WDR70: variants seen among roughly 807,000 people sequenced by gnomAD.
WDR70 encodes the protein WD repeat-containing protein 70.
A neutral mutation model predicts 88.6 loss-of-function variants in WDR70; 53 were observed. The ratio of observed to expected loss-of-function variants is 0.60; its 90% CI spans 0.48 to 0.75. WDR70 has a LOEUF of 0.75. WDR70 is among the 30% of genes least tolerant of loss of function. The pLI is 0.00. For synonymous variants in WDR70, 280 were observed against 270.0 expected (o/e 1.04, Z -0.36); for missense variants, 610 against 823.2 (o/e 0.74, Z 3.17).
chr5:37,596,878 C>T (rs57015453), intron 9 of WDR70, among the ~76,000 whole-genome samples: 63,650 of 151,922 alleles, frequency 0.42, 15,162 homozygotes, highest in Non-Finnish European at 0.54. Context: ...CCATCCCCAC[C>T]TTTAACCTTT....
intron 9 of WDR70, among the ~76,000 whole-genome samples, chr5:37,560,079 T>C (rs1581393352): frequency 6.6e-6 from 1 of 152,152 alleles, no homozygotes; most frequent in African/African-American, 2.4e-5. Flanking sequence ...ATTTTGATAT[T>C]TTAGTTAGCC....
chr5:37,639,351 CAGTT>C (rs1401563889), intron 10 of WDR70, among the ~76,000 whole-genome samples: 1 of 152,096 alleles, frequency 6.6e-6, no homozygotes, highest in African/African-American at 2.4e-5. Flanking sequence ...TTATTGTAGT[CAGTT>C]AGCAGTCTAT....
chr5:37,483,458 T>A (rs1262584678), intron 8 of WDR70, among the ~76,000 whole-genome samples: 1 of 152,156 alleles, frequency 6.6e-6, no homozygotes, highest in Non-Finnish European at 1.5e-5. Context: ...GCAGAAGAAT[T>A]TTTCTTAGTA....
At chr5:37,749,841 C>G (rs2910723) in intron 17 of WDR70, among the ~76,000 whole-genome samples, 3 of 146,520 alleles carry the variant, frequency 2.0e-5, no homozygotes, top group Non-Finnish European at 3.0e-5. Flanking sequence ...AAAAAAAAAA[C>G]CAAAAACGCA....
intron 7 of WDR70, among the ~76,000 whole-genome samples, chr5:37,471,888 GTCT>G (rs963883440): frequency 7.2e-5 from 11 of 151,880 alleles, no homozygotes; most frequent in African/African-American, 2.7e-4. Context: ...AAATCAGGTG[GTCT>G]TTTTCTTGTC....
At chr5:37,428,415 C>T (rs1291528075) in intron 5 of WDR70, among the ~76,000 whole-genome samples, 5 of 152,166 alleles carry the variant, frequency 3.3e-5, no homozygotes, top group African/African-American at 9.7e-5. Flanking sequence ...AGCCACCTTG[C>T]TGTCAATCCA....
intron 9 of WDR70, among the ~76,000 whole-genome samples, chr5:37,519,531 C>T (rs879022952): frequency 1.7e-4 from 23 of 137,618 alleles, no homozygotes; most frequent in Middle Eastern, 4.8e-3. Flanking sequence ...ACCTCCCAGA[C>T]GGGGCGGCGG....
At chr5:37,734,501 A>C (rs979777678) in intron 17 of WDR70, among the ~76,000 whole-genome samples, 27 of 152,154 alleles carry the variant, frequency 1.8e-4, no homozygotes, top group African/African-American at 6.3e-4. Flanking sequence ...ATGCTAGTAG[A>C]GACAGACACT....
intron 14 of WDR70, 35 bp downstream of exon 14, chr5:37,721,250 A>G (rs1171100286): frequency 6.3e-7 from 1 of 1,582,206 alleles, no homozygotes; most frequent in Non-Finnish European, 8.7e-7. Flanking sequence ...TAGATGGATG[A>G]CAACAACTGG....
intron 8 of WDR70, chr5:37,506,828 T>A: frequency 7.7e-7 from 1 of 1,302,170 alleles, no homozygotes. Flanking sequence ...TCTTGGGGGC[T>A]GCTGTTCAGG....
intron 9 of WDR70, among the ~76,000 whole-genome samples, chr5:37,534,074 A>G (rs1304688921): frequency 6.6e-6 from 1 of 152,140 alleles, no homozygotes; most frequent in Admixed American, 6.5e-5. Flanking sequence ...TGGTGCTGCT[A>G]TCCAGGGCTG....
intron 10 of WDR70, among the ~76,000 whole-genome samples, chr5:37,640,414 G>T (rs1188752422): frequency 6.6e-6 from 1 of 152,018 alleles, no homozygotes; most frequent in Non-Finnish European, 1.5e-5. Context: ...TTCTGATGTG[G>T]TGTTCACTAG....
At chr5:37,416,063 A>G (rs1230628003) in intron 5 of WDR70, among the ~76,000 whole-genome samples, 1 of 150,222 alleles carries the variant, frequency 6.7e-6, no homozygotes, top group Non-Finnish European at 1.5e-5. Flanking sequence ...CACATCCCAG[A>G]CGATGGGCGG....
At chr5:37,410,569 C>T (rs1749494111) in intron 5 of WDR70, among the ~76,000 whole-genome samples, 1 of 152,066 alleles carries the variant, frequency 6.6e-6, no homozygotes, top group African/African-American at 2.4e-5. Context: ...CCTTACCTTT[C>T]TTTTCCAATC....
intron 10 of WDR70, among the ~76,000 whole-genome samples, chr5:37,676,507 T>G (rs1472384884): frequency 2.0e-5 from 3 of 152,024 alleles, no homozygotes; most frequent in African/African-American, 7.2e-5. Context: ...GGTTTTTGTC[T>G]TTGGTTCTGT....
At chr5:37,567,408 C>G (rs944892212) in intron 9 of WDR70, among the ~76,000 whole-genome samples, 1 of 152,112 alleles carries the variant, frequency 6.6e-6, no homozygotes, top group Non-Finnish European at 1.5e-5. Flanking sequence ...ACTTGATGCT[C>G]TTATGTAAAA....
At chr5:37,702,014 C>G (rs142905455) in intron 12 of WDR70, among the ~76,000 whole-genome samples, 1 of 152,160 alleles carries the variant, frequency 6.6e-6, no homozygotes, top group African/African-American at 2.4e-5. Flanking sequence ...GCAGCTGAGG[C>G]AAAACTTGAC....
At chr5:37,411,096 A>T (rs933695610) in intron 5 of WDR70, among the ~76,000 whole-genome samples, 2 of 152,240 alleles carry the variant, frequency 1.3e-5, no homozygotes, top group African/African-American at 4.8e-5. Flanking sequence ...AAAAAGTGTG[A>T]TTGTTTTTAT....
intron 8 of WDR70, among the ~76,000 whole-genome samples, chr5:37,508,618 A>C (rs990608837): frequency 1.3e-5 from 2 of 152,168 alleles, no homozygotes; most frequent in African/African-American, 4.8e-5. Context: ...TTGATTGTTA[A>C]ACCAGACTTG....
Sources: allele counts gnomAD v4.1 joint callset (sites outside exome capture counted in the v4.1 genomes callset), GRCh38; gene constraint gnomAD v4.1.1; transcripts MANE v1.5; gene names NCBI Gene and HGNC (gene_info 2026-07-23, HGNC 2026-07-21).